The following PKD1 variants were observed in gnomAD, a reference collection of about 807,000 sequenced individuals.
PKD1 encodes the protein polycystin-1.
PKD1 carries 81 observed loss-of-function variants against 361.7 expected under a neutral mutation model. That is an observed-to-expected ratio of 0.22 (90% CI 0.19 to 0.27). PKD1 has a LOEUF of 0.27. Among genes scored for constraint, PKD1 ranks in the 10% least tolerant of loss-of-function variants. The pLI is 1.00. For missense variants in PKD1, 6,399 were observed against 6,118.3 expected (o/e 1.05, Z -1.53); for synonymous variants, 3,615 against 2,818.3 (o/e 1.28, Z -8.95).
intron 1 of PKD1, among the ~76,000 whole-genome samples, chr16:2,121,932 G>A (rs890658087): frequency 9.9e-5 from 15 of 152,202 alleles, no homozygotes; most frequent in Non-Finnish European, 2.2e-4. Flanking sequence ...AAGCCGGGGC[G>A]GCCTCCATCC....
Position 2,109,140 on chromosome 16 carries a change from C to G in PKD1, c.6027G>C (p.Ser2009=). 7 of 1,602,376 alleles carry G rather than the reference C, an allele frequency of 4.4e-6. No homozygotes were observed. Among genetic ancestry groups the G allele is most frequent in the Non-Finnish European group, 5.1e-6 (6 of 1,174,260 alleles). Reference sequence around the variant, plus strand: ...GCGAGTCGCCCTGGACCTTCTGCAGCGAGAAGTACCAGGCGTAGGCGACCC... The same window carrying G: ...GCGAGTCGCCCTGGACCTTCTGCAGGGAGAAGTACCAGGCGTAGGCGACCC... ...GSRVAYAWYF[S]LQKVQGDSLV... is the part of the protein sequence containing the mutation. The change falls in exon 15 of 46, where the codon TCG becomes TCC. Residue 2009 remains serine (S), a synonymous_variant. Coordinates refer to ENST00000262304, the MANE Select transcript of PKD1 (RefSeq NM_001009944.3).
At position 2,100,044 on chromosome 16, in the gene PKD1, C is replaced by G; in HGVS notation, c.9740G>C (p.Arg3247Pro). 1 of 1,586,764 alleles carries G rather than the reference C, an allele frequency of 6.3e-7. No homozygotes were observed. The highest frequency in any genetic ancestry group is 1.1e-5 in the South Asian group (1 of 88,498). ...ASDAALLRFRRLLVAELQRGF... is the reference protein window; with the variant it reads ...ASDAALLRFRPLLVAELQRGF... ...ACGCTGCAGCTCAGCCACCAGCAGG[C>G]GCCGGAAGCGCAAAAGGGCTGCGTC... Residue 3247 changes from arginine (R) to proline (P), a missense_variant, in exon 29 of 46, where the codon CGC becomes CCC. By Grantham distance (103) the Arg-to-Pro change is moderately radical (BLOSUM62 -2). Coordinates refer to ENST00000262304, the MANE Select transcript of PKD1 (RefSeq NM_001009944.3). The surrounding 1 kb of genome is among the most constrained non-coding windows in gnomAD (Gnocchi z 4.4).
At chr16:2,103,105 C>G (rs1406194691) in intron 23 of PKD1, 135 bp from the exon 24 acceptor site, 1 of 1,283,610 alleles carries the variant, frequency 7.8e-7, no homozygotes, top group Non-Finnish European at 1.1e-6. Context: ...GAGCTGGCAC[C>G]TGCTTCTCCG....
At position 2,091,423 on chromosome 16, in the gene PKD1, C is replaced by A. The variant is rs1285197239; in HGVS notation, c.11712G>T (p.Ser3904=). ...GGGGTCTGGCCGGGGACGGGCGTAC[C>A]GAGGTGAGCAGAGGCAGCGAGAGGC... ...SAGLSLPLLT[S]VCLLLFAVHF... is the part of the protein sequence containing the mutation. Residue 3904 remains serine, a splice_region_variant and synonymous_variant, in exon 42 of 46, where the codon TCG becomes TCT. Transcript: ENST00000262304. 2 of 1,162,662 alleles carry A rather than the reference C, an allele frequency of 1.7e-6. No individual in the cohort carries two copies. Among genetic ancestry groups the A allele is most frequent in the Non-Finnish European group, 2.1e-6 (2 of 942,296 alleles). 72.0% of individuals were successfully genotyped at this position (1,162,662 alleles called of 1,614,324 possible).
chr16:2,120,337 GA>G (rs2092701030), intron 1 of PKD1: 1 of 155,554 alleles, frequency 6.4e-6, no homozygotes, highest in African/African-American at 2.4e-5. Context: ...TACAATCTCA[GA>G]AAAGCACTAG....
chr16:2,092,241 G>A (rs1192983439), intron 39 of PKD1, 53 bp from the exon 40 acceptor site: 2 of 1,535,422 alleles, frequency 1.3e-6, no homozygotes, highest in African/African-American at 1.4e-5. Context: ...AAACCCAACA[G>A]GAGTGTTTCC....
Position 2,111,578 on chromosome 16 carries a change from C to T in PKD1, c.3589G>A (p.Val1197Met). The T allele has an allele frequency of 6.3e-7, 1 of 1,576,564 alleles. No homozygotes were observed. Among genetic ancestry groups the T allele is most frequent in the Non-Finnish European group, 8.6e-7 (1 of 1,162,194 alleles). Residue 1197 changes from valine to methionine, a missense_variant, in exon 15 of 46, where the codon GTG (valine) becomes ATG (methionine). By Grantham distance (21) the Val-to-Met change is conservative. Transcript: ENST00000262304. Reference sequence around the variant, plus strand: ...TCCGCCTGGGCCGCCGCACCGCTCACCGTGTTGTTGACCTCCAGGCGCACG... The same window carrying T: ...TCCGCCTGGGCCGCCGCACCGCTCATCGTGTTGTTGACCTCCAGGCGCACG... ...YHVRLEVNNTVSGAAAQADVR... is the reference protein window; with the variant it reads ...YHVRLEVNNTMSGAAAQADVR...
Position 2,111,025 on chromosome 16 carries a change from C to T in PKD1, c.4142G>A (p.Gly1381Asp). 6.2e-7 allele frequency: 1 copy of T among 1,610,670 alleles called. No homozygotes were observed. Among genetic ancestry groups the T allele is most frequent in the Non-Finnish European group, 8.5e-7 (1 of 1,179,798 alleles). Residue 1381 changes from glycine to aspartate, a missense_variant, in exon 15 of 46, where the codon GGC (glycine) becomes GAC (aspartate). Transcript: ENST00000262304. ...CCTCTCTGGCTGCAGGGTGACGTTG[C>T]CCACCTCTGGCTCCACGCAGATGCT... ...FTSICVEPEVGNVTLQPERQF... is the reference protein window; with the variant it reads ...FTSICVEPEVDNVTLQPERQF...
chr16:2,102,094 T>A lies in PKD1; in HGVS notation c.9364A>T (p.Ile3122Phe). 1 of 1,571,572 alleles carries A rather than the reference T, an allele frequency of 6.4e-7. No individual in the cohort carries two copies. The highest frequency in any genetic ancestry group is 1.1e-5 in the South Asian group (1 of 88,744). Reference protein sequence around the residue: ...CGQRGRFKYEILVKTGWGRGS... With the variant: ...CGQRGRFKYEFLVKTGWGRGS... ...CGGCCCCAGCCTGTCTTGACGAGGA[T>A]CTCGTACTTGAAGCGGCCCCGCTGC... is the stretch of plus-strand genomic sequence containing the variant. The change falls in exon 26 of 46, where the codon ATC (isoleucine) becomes TTC (phenylalanine). Residue 3122 changes from isoleucine to phenylalanine, a missense_variant. By Grantham distance (21) the Ile-to-Phe change is conservative. Coordinates refer to ENST00000262304, the MANE Select transcript of PKD1 (RefSeq NM_001009944.3).
rs2151706983 is a variant in PKD1 at position 2,093,525 on chromosome 16, A to G, written c.11016+19T>C. Reference sequence around the variant, plus strand: ...CAAGAGACGGAGGTGGCAGGGGCACAGGCCGCACCCAGGCTCACCCGCAGC... The same window carrying G: ...CAAGAGACGGAGGTGGCAGGGGCACGGGCCGCACCCAGGCTCACCCGCAGC... On this transcript the variant is annotated intron_variant, in intron 37 of 45. Transcript: ENST00000262304. 1.3e-6 allele frequency: 2 copies of G among 1,584,210 alleles called. No individual in the cohort carries two copies. Among genetic ancestry groups the G allele is most frequent in the Non-Finnish European group, 8.6e-7 (1 of 1,165,018 alleles).
In PKD1 at chr16:2,089,402, T is replaced by C; in HGVS notation, c.*325A>G. ...TCCCTGAAGCCAGCAGCCTTAGCAG[T>C]GGGGGACATCTGCCCAGGGGGTGGG... On this transcript the variant is annotated 3_prime_UTR_variant, in exon 46 of 46. Transcript: ENST00000262304. The C allele has an allele frequency of 4.5e-6, 2 of 440,132 alleles. No individual in the cohort carries two copies. Among genetic ancestry groups the C allele is most frequent in the Non-Finnish European group, 8.3e-6 (2 of 241,002 alleles). 27.3% of individuals were successfully genotyped at this position (440,132 alleles called of 1,614,324 possible).
rs1596544229 is a variant in PKD1, at chr16:2,107,090, T to C, written c.7066-142A>G. ...CCGGTGAGCTCACTCCCTCCCAGGATACTCATCCGGTTTGCCACCTTCCAA... is the reference window on the plus strand; with the variant it reads ...CCGGTGAGCTCACTCCCTCCCAGGACACTCATCCGGTTTGCCACCTTCCAA... On this transcript the variant is annotated intron_variant, in intron 16 of 45. Coordinates refer to ENST00000262304, the MANE Select transcript of PKD1 (RefSeq NM_001009944.3). 8 of 772,602 alleles carry C rather than the reference T, an allele frequency of 1.0e-5. No homozygotes were observed. The East Asian group carries it at 1.3e-4, about 13-fold the overall frequency. The allele number at this position is 772,602 out of a possible 1,614,324, so 47.9% of individuals were successfully genotyped here.
rs1277994025 is a variant in PKD1 at position 2,118,373 on chromosome 16, G to T, written c.619C>A (p.Pro207Thr). The change falls in exon 5 of 46, where the codon CCA (proline) becomes ACA (threonine). Residue 207 changes from proline (P) to threonine (T), a missense_variant. Physicochemically the swap from Pro to Thr is conservative, Grantham distance 38 (BLOSUM62 -1). Coordinates refer to ENST00000262304, the MANE Select transcript of PKD1 (RefSeq NM_001009944.3). The surrounding 1 kb of genome is among the most constrained non-coding windows in gnomAD (Gnocchi z 6.0). ...FSAAHEGLLQ[P>T]EACSAFCFST... ...AAGCAGAAGGCGCTGCAGGCCTCTG[G>T]CTGAAGCAGGCCTTCGTGGGCAGCT... The T allele has an allele frequency of 7.8e-7, 1 of 1,278,400 alleles. No homozygotes were observed. The highest frequency in any genetic ancestry group is 2.0e-5 in the Admixed American group (1 of 50,746). 79.2% of individuals were successfully genotyped at this position (1,278,400 alleles called of 1,614,324 possible).
At chr16:2,117,718 A>G (rs749687738) in intron 5 of PKD1, 46 bp from the exon 6 acceptor site, 6 of 1,398,888 alleles carry the variant, frequency 4.3e-6, no homozygotes, top group Non-Finnish European at 6.0e-6. Flanking sequence ...GTGTGGGCCC[A>G]AGACGGGGGT....
chr16:2,092,423 G>T, intron 39 of PKD1, 57 bp downstream of exon 39: 3 of 1,246,700 alleles, frequency 2.4e-6, no homozygotes, highest in Non-Finnish European at 3.5e-6. Context: ...TCCGCTAAAG[G>T]CTGCTCTCTC....
chr16:2,108,195 G>C (rs2092408902), intron 15 of PKD1, 57 bp downstream of exon 15: 1 of 1,529,982 alleles, frequency 6.5e-7, no homozygotes, highest in East Asian at 2.3e-5. Flanking sequence ...GGTGTTCTCT[G>C]GGCTCATGGG....
rs375155193 is a variant in PKD1, at chr16:2,089,681, C to G, written c.*46G>C. On this transcript the variant is annotated 3_prime_UTR_variant, in exon 46 of 46. Coordinates refer to ENST00000262304, the MANE Select transcript of PKD1 (RefSeq NM_001009944.3). ...GACAGCGGCAGAAAGTAATACTGAGCGGTGTCCACTCCGACTCCACGGCCC... is the reference window on the plus strand; with the variant it reads ...GACAGCGGCAGAAAGTAATACTGAGGGGTGTCCACTCCGACTCCACGGCCC... 5.8e-6 allele frequency: 9 copies of G among 1,546,208 alleles called. No individual in the cohort carries two copies. Among genetic ancestry groups the G allele is most frequent in the Admixed American group, 2.0e-5 (1 of 51,034 alleles).
At chr16:2,093,221 C>G (rs2091680923) in intron 37 of PKD1, 128 bp from the exon 38 acceptor site, 1 of 1,120,566 alleles carries the variant, frequency 8.9e-7, no homozygotes, top group Non-Finnish European at 1.3e-6. Context: ...GGGGGCGCCC[C>G]AAGACTCTAC....
At chr16:2,093,759 G>T in intron 36 of PKD1, 21 bp from the exon 37 acceptor site, 1 of 1,568,798 alleles carries the variant, frequency 6.4e-7, no homozygotes. Flanking sequence ...GGTGGCTTCA[G>T]AGGGGTCCCC....
Sources: allele counts gnomAD v4.1 joint callset (sites outside exome capture counted in the v4.1 genomes callset), GRCh38; gene constraint gnomAD v4.1.1; non-coding constraint Gnocchi (gnomAD v3.1); transcripts MANE v1.5; gene names NCBI Gene and HGNC (gene_info 2026-07-23, HGNC 2026-07-21).